RPTOR: variants seen among roughly 807,000 people sequenced by gnomAD.
The protein encoded by RPTOR is regulatory-associated protein of mTOR.
In RPTOR, 21 loss-of-function variants were observed where a neutral mutation model predicts 169.9. The ratio of observed to expected loss-of-function variants is 0.12; its 90% CI spans 0.09 to 0.18. The LOEUF is 0.18. Among genes scored for constraint, RPTOR ranks in the 10% least tolerant of loss-of-function variants. The pLI is 1.00. For missense variants in RPTOR, 1,133 were observed against 1,855.9 expected (o/e 0.61, Z 7.16); for synonymous variants, 732 against 753.2 (o/e 0.97, Z 0.46).
In RPTOR at chr17:80,964,461, A is replaced by G; in HGVS notation, c.*131A>G. 4 of 847,880 alleles carry G rather than the reference A, an allele frequency of 4.7e-6. No homozygotes were observed. Among genetic ancestry groups the G allele is most frequent in the Non-Finnish European group, 7.7e-6 (4 of 520,822 alleles). The allele number at this position is 847,880 out of a possible 1,614,324, so 52.5% of individuals were successfully genotyped here. ...TTGGCTGCTGCCTTAGCTGCTGATG[A>G]CGGCAGGAGGGCCCTGCTACTCGCT... On this transcript the variant is annotated 3_prime_UTR_variant, in exon 34 of 34. Coordinates refer to ENST00000306801, the MANE Select transcript of RPTOR (RefSeq NM_020761.3).
intron 3 of RPTOR, among the ~76,000 whole-genome samples, chr17:80,697,959 G>A (rs920189728): frequency 6.6e-6 from 1 of 152,196 alleles, no homozygotes; most frequent in African/African-American, 2.4e-5. Context: ...CCAGGGAGAT[G>A]GCAGGAGCAG....
Position 80,709,954 on chromosome 17 carries a change from T to G in RPTOR, c.507+1955T>G, listed in dbSNP as rs576612988. 3.9e-5 allele frequency among the ~76,000 whole-genome samples: 6 copies of G among 152,196 alleles called. No individual in the cohort carries two copies. In the South Asian group the frequency reaches 1.2e-3, roughly 32 times the overall value. The stretch of plus-strand genomic sequence containing the variant: ...ATGATGTGATTTTTTTTCTTCATCT[T>G]CTTACACTCCTGATAACTTACAAAA... On this transcript the variant is annotated intron_variant, in intron 4 of 33. Transcript: ENST00000306801.
At chr17:80,908,637 A>T (rs923439892) in intron 20 of RPTOR, among the ~76,000 whole-genome samples, 174 bp from the exon 21 acceptor site, 1 of 152,208 alleles carries the variant, frequency 6.6e-6, no homozygotes. Context: ...ATCAGCTAGG[A>T]TTCTTGAATC....
At chr17:80,834,842 C>T (rs932289110) in intron 9 of RPTOR, among the ~76,000 whole-genome samples, 64 of 152,262 alleles carry the variant, frequency 4.2e-4, no homozygotes, top group African/African-American at 1.4e-3. Context: ...CTGGTCTGCT[C>T]GGCCCACGGC....
rs553052831 is a variant in RPTOR, at chr17:80,879,233, C to A, written c.1510-1182C>A. Among the ~76,000 whole-genome samples, 597 of 151,990 alleles carry A rather than the reference C, an allele frequency of 3.9e-3. 2 individuals are homozygous for A. The highest frequency in any genetic ancestry group is 6.8e-3 in the Middle Eastern group (2 of 294). On this transcript the variant is annotated intron_variant, in intron 13 of 33. Coordinates refer to ENST00000306801, the MANE Select transcript of RPTOR (RefSeq NM_020761.3). ...CTCGCATCCCTGGCATCATCTCCGT[C>A]CTCTGTCCTTGCTGACCCAGCTCCA...
At chr17:80,687,346 G>T (rs1171499873) in intron 3 of RPTOR, among the ~76,000 whole-genome samples, 1 of 152,170 alleles carries the variant, frequency 6.6e-6, no homozygotes, top group Non-Finnish European at 1.5e-5. Flanking sequence ...ATCTGATCGA[G>T]CCACAGTCCC....
intron 20 of RPTOR, among the ~76,000 whole-genome samples, chr17:80,908,459 C>T (rs563325730): frequency 3.0e-4 from 46 of 152,248 alleles, no homozygotes; most frequent in Admixed American, 5.9e-4. Flanking sequence ...CCATGGGCTG[C>T]GGCAGCTCCT....
intron 7 of RPTOR, among the ~76,000 whole-genome samples, chr17:80,795,553 C>G (rs1214970275): frequency 1.3e-5 from 2 of 151,800 alleles, no homozygotes; most frequent in East Asian, 3.9e-4. Context: ...TGGCTAAATG[C>G]TAAAGGTTTA....
At chr17:80,652,171 A>T (rs938198127) in intron 3 of RPTOR, among the ~76,000 whole-genome samples, 17 of 142,850 alleles carry the variant, frequency 1.2e-4, no homozygotes, top group African/African-American at 4.5e-4. Flanking sequence ...CTCCATCTTA[A>T]AAAAAAAAAA....
intron 13 of RPTOR, among the ~76,000 whole-genome samples, chr17:80,875,546 A>G (rs1043525579): frequency 1.1e-4 from 17 of 152,190 alleles, no homozygotes; most frequent in African/African-American, 4.1e-4. Context: ...ACATGTCACC[A>G]CCATAGCTTG....
intron 24 of RPTOR, among the ~76,000 whole-genome samples, chr17:80,935,932 A>C (rs1874273621): frequency 6.6e-6 from 1 of 152,248 alleles, no homozygotes; most frequent in Non-Finnish European, 1.5e-5. Flanking sequence ...GACAAGTCAC[A>C]GACAGAGCGA....
At position 80,822,279 on chromosome 17, in the gene RPTOR, C is replaced by A. The variant is rs192352870; in HGVS notation, c.969C>A (p.Ile323=). The A allele has an allele frequency of 7.0e-5, 113 of 1,614,176 alleles. No individual in the cohort carries two copies. The East Asian group carries it at 2.4e-3, about 34-fold the overall frequency. Residue 323 remains isoleucine, a synonymous_variant, in exon 8 of 34, where the codon ATC becomes ATA. Coordinates refer to ENST00000306801, the MANE Select transcript of RPTOR (RefSeq NM_020761.3). ...TCTTCACAGCCATCACAGACACCAT[C>A]GCGTGGAACGTGCTCCCCCGGGGTG... ...NWIFTAITDT[I]AWNVLPRDLF... is the part of the protein sequence containing the mutation.
Position 80,823,190 on chromosome 17 carries a change from C to T in RPTOR, c.1103C>T (p.Pro368Leu), listed in dbSNP as rs1301463689. 1 of 1,613,988 alleles carries T rather than the reference C, an allele frequency of 6.2e-7. No individual in the cohort carries two copies. Among genetic ancestry groups the T allele is most frequent in the Non-Finnish European group, 8.5e-7 (1 of 1,180,020 alleles). The part of the protein sequence containing the change: ...RSYNCTPVSS[P>L]RLPPTYMHAM... The stretch of plus-strand genomic sequence containing the variant: ...TATAACTGCACTCCCGTCAGCAGCC[C>T]GCGTCTGCCGCCCACGTACATGCAC... The change falls in exon 9 of 34, where the codon CCG becomes CTG. Residue 368 changes from proline to leucine, a missense_variant. This residue lies in a region of RPTOR where 289 missense variants were observed against 585.8 expected (regional missense o/e 0.49). Transcript: ENST00000306801. The surrounding 1 kb of genome is among the most constrained non-coding windows in gnomAD (Gnocchi z 4.5).
chr17:80,579,403 G>A (rs1027754914), intron 1 of RPTOR, among the ~76,000 whole-genome samples: 2 of 152,160 alleles, frequency 1.3e-5, no homozygotes, highest in East Asian at 3.9e-4. Context: ...TGTTGGTCAG[G>A]CTGGTTTCGA....
chr17:80,876,948 A>G (rs545247929), intron 13 of RPTOR, among the ~76,000 whole-genome samples: 1,516 of 137,378 alleles, frequency 0.011, 26 homozygotes, highest in African/African-American at 0.04. Flanking sequence ...CGTGCCACTC[A>G]GGGTGTGTGT....
At chr17:80,868,902 A>G (rs1400972180) in intron 13 of RPTOR, among the ~76,000 whole-genome samples, 2 of 152,182 alleles carry the variant, frequency 1.3e-5, no homozygotes, top group African/African-American at 2.4e-5. Flanking sequence ...AGAAAATGCA[A>G]ACTACAGTCA....
rs548864278 is a variant in RPTOR at position 80,841,747 on chromosome 17, C to T, written c.1212+3750C>T. ...TCACCACACCGCAGCTCACTCTCCCCGCACGGCAGCTCACTCTCCCCGCAC... is the reference window on the plus strand; with the variant it reads ...TCACCACACCGCAGCTCACTCTCCCTGCACGGCAGCTCACTCTCCCCGCAC... On this transcript the variant is annotated intron_variant, in intron 10 of 33. Transcript: ENST00000306801. Among the ~76,000 whole-genome samples, 82 of 141,222 alleles carry T rather than the reference C, an allele frequency of 5.8e-4. 2 individuals carry two copies. The highest frequency in any genetic ancestry group is 2.1e-3 in the African/African-American group (77 of 36,766). The allele number at this position is 141,222 out of a possible 152,430, so 92.6% of individuals were successfully genotyped here.
chr17:80,740,357 C>T (rs2066471209), intron 5 of RPTOR, among the ~76,000 whole-genome samples: 1 of 152,172 alleles, frequency 6.6e-6, no homozygotes. Flanking sequence ...AGAAGCAGAA[C>T]ACCGGTTTTG....
At position 80,943,407 on chromosome 17, in the gene RPTOR, G is replaced by T. The variant is rs150062915; in HGVS notation, c.3026-2260G>T. On this transcript the variant is annotated intron_variant, in intron 25 of 33. Transcript: ENST00000306801. ...CCAGACACTTTGAAGGGTGGGAAGG[G>T]CAGGGTTTATTGGGTGAGAAGGAAA... is the stretch of plus-strand genomic sequence containing the variant. 4.1e-3 allele frequency among the ~76,000 whole-genome samples: 628 copies of T among 152,346 alleles called. 12 individuals are homozygous for T. The highest frequency in any genetic ancestry group is 0.014 in the African/African-American group (601 of 41,584).
Sources: allele counts gnomAD v4.1 joint callset (sites outside exome capture counted in the v4.1 genomes callset), GRCh38; gene constraint gnomAD v4.1.1; regional missense constraint gnomAD v4.1.1; non-coding constraint Gnocchi (gnomAD v3.1); transcripts MANE v1.5; gene names NCBI Gene and HGNC (gene_info 2026-07-23, HGNC 2026-07-21).